The following PCDHB13 variants were observed in gnomAD, a reference collection of about 807,000 sequenced individuals.
The protein encoded by PCDHB13 is protocadherin beta-13.
For synonymous variants in PCDHB13, 515 were observed against 450.7 expected (o/e 1.14, Z -1.81); for missense variants, 1,065 against 1,016.7 (o/e 1.05, Z -0.65).
In PCDHB13 at chr5:141,215,442, T is replaced by G; in HGVS notation, c.1319T>G (p.Leu440Arg). 1.2e-6 allele frequency: 2 copies of G among 1,614,192 alleles called. No individual in the cohort carries two copies. The highest frequency in any genetic ancestry group is 1.7e-6 in the Non-Finnish European group (2 of 1,180,042). ...ATAACACAGCTCAATATGACCGTGC[T>G]GATCGCCGATGTCAATGACAACGCT... ...MLITQLNMTVLIADVNDNAPA... is the reference protein window; with the variant it reads ...MLITQLNMTVRIADVNDNAPA... The change falls in exon 1 of 1, where the codon CTG becomes CGG. Residue 440 changes from leucine (L) to arginine (R), a missense_variant. Physicochemically the swap from Leu to Arg is moderately radical, Grantham distance 102 (BLOSUM62 -2). Coordinates refer to ENST00000341948, the MANE Select transcript of PCDHB13 (RefSeq NM_018933.4).
rs782108645 is a variant in PCDHB13, at chr5:141,215,584, C to T, written c.1461C>T (p.Thr487=). 2.5e-6 allele frequency: 4 copies of T among 1,613,352 alleles called. No individual in the cohort carries two copies. The highest frequency in any genetic ancestry group is 2.5e-6 in the Non-Finnish European group (3 of 1,180,006). ...DRDSGTNAQV[T]YSLLPPQDPH... The stretch of plus-strand genomic sequence containing the variant: ...ACTCAGGCACCAACGCCCAGGTCAC[C>T]TACTCGCTGCTGCCGCCCCAGGACC... The change falls in exon 1 of 1, where the codon ACC becomes ACT. Residue 487 remains threonine (T), a synonymous_variant. Coordinates refer to ENST00000341948, the MANE Select transcript of PCDHB13 (RefSeq NM_018933.4).
Position 141,213,938 on chromosome 5 carries a change from A to G in PCDHB13, c.-186A>G, listed in dbSNP as rs1200339985. 8.3e-6 allele frequency: 5 copies of G among 604,074 alleles called. No homozygotes were observed. Among genetic ancestry groups the G allele is most frequent in the African/African-American group, 7.5e-5 (4 of 53,638 alleles). The allele number at this position is 604,074 out of a possible 1,614,324, so 37.4% of individuals were successfully genotyped here. A position where few individuals can be genotyped will look rare whatever the true frequency, so the allele number is the denominator to read the frequency against. ...GCAGCTGCAGCTCCATTAACCGGCA[A>G]AAAGCAGCAGAACCTGGAAGTCCAC... On this transcript the variant is annotated 5_prime_UTR_variant, in exon 1 of 1. Transcript: ENST00000341948.
chr5:141,216,340 G>A lies in PCDHB13; in HGVS notation c.2217G>A (p.Met739Ile), dbSNP rs1262658789. 6.2e-7 allele frequency: 1 copy of A among 1,614,202 alleles called. No homozygotes were observed. The highest frequency in any genetic ancestry group is 1.7e-5 in the Admixed American group (1 of 60,016). Reference protein sequence around the residue: ...EGPLPGHLVDMSGTRTLSQSY... With the variant: ...EGPLPGHLVDISGTRTLSQSY... ...CCCTTCCAGGGCATCTTGTGGACAT[G>A]AGCGGCACCAGGACCCTATCCCAGA... Residue 739 changes from methionine (M) to isoleucine (I), a missense_variant, in exon 1 of 1, where the codon ATG becomes ATA. Transcript: ENST00000341948.
chr5:141,216,788 C>G lies in PCDHB13; in HGVS notation c.*268C>G, dbSNP rs1754626954. 4 of 499,090 alleles carry G rather than the reference C, an allele frequency of 8.0e-6. No individual in the cohort carries two copies. The South Asian group carries it at 8.3e-5, about 10-fold the overall frequency. 30.9% of individuals were successfully genotyped at this position (499,090 alleles called of 1,614,324 possible). A position where few individuals can be genotyped will look rare whatever the true frequency, so the allele number is the denominator to read the frequency against. ...ACCAAATCACATTTTTTTCATGCCCCTATCTTTAGCTGAACTTCACCCACT... is the reference window on the plus strand; with the variant it reads ...ACCAAATCACATTTTTTTCATGCCCGTATCTTTAGCTGAACTTCACCCACT... On this transcript the variant is annotated 3_prime_UTR_variant, in exon 1 of 1. Transcript: ENST00000341948.
Position 141,214,930 on chromosome 5 carries a change from T to G in PCDHB13, c.807T>G (p.Asp269Glu), listed in dbSNP as rs782392819. Reference sequence around the variant, plus strand: ...TGGTTGTGAAGGTCTCTGCCACGGATGTAGACACAGGAGTCAACGGAGAGA... The same window carrying G: ...TGGTTGTGAAGGTCTCTGCCACGGAGGTAGACACAGGAGTCAACGGAGAGA... Reference protein sequence around the residue: ...GFLVVKVSATDVDTGVNGEIS... With the variant: ...GFLVVKVSATEVDTGVNGEIS... Residue 269 changes from aspartate to glutamate, a missense_variant, in exon 1 of 1, where the codon GAT becomes GAG. Coordinates refer to ENST00000341948, the MANE Select transcript of PCDHB13 (RefSeq NM_018933.4). 25 of 1,614,098 alleles carry G rather than the reference T, an allele frequency of 1.5e-5. No homozygotes were observed. Among genetic ancestry groups the G allele is most frequent in the African/African-American group, 2.7e-5 (2 of 74,934 alleles).
rs1554288210 is a variant in PCDHB13 at position 141,216,451 on chromosome 5, C to G, written c.2328C>G (p.Pro776=). 1 of 1,614,166 alleles carries G rather than the reference C, an allele frequency of 6.2e-7. No individual in the cohort carries two copies. The highest frequency in any genetic ancestry group is 2.2e-5 in the East Asian group (1 of 44,864). The change falls in exon 1 of 1, where the codon CCC becomes CCG. Residue 776 remains proline, a synonymous_variant. Coordinates refer to ENST00000341948, the MANE Select transcript of PCDHB13 (RefSeq NM_018933.4). ...FLKPIIPNFP[P]QCPGKEIQGN... ...AGCCGATTATCCCCAACTTCCCTCC[C>G]CAGTGCCCTGGGAAAGAAATACAAG... is the stretch of plus-strand genomic sequence containing the variant.
At position 141,215,871 on chromosome 5, in the gene PCDHB13, G is replaced by C. The variant is rs782340407; in HGVS notation, c.1748G>C (p.Gly583Ala). 17 of 1,607,220 alleles carry C rather than the reference G, an allele frequency of 1.1e-5. 1 individual carries two copies. In the South Asian group the frequency reaches 1.8e-4, roughly 17 times the overall value. Residue 583 changes from glycine (G) to alanine (A), a missense_variant, in exon 1 of 1, where the codon GGC (glycine) becomes GCC (alanine). By Grantham distance (60) the Gly-to-Ala change is moderately conservative. Coordinates refer to ENST00000341948, the MANE Select transcript of PCDHB13 (RefSeq NM_018933.4). ...CTGGTGCCCCGGGCGGCCGAGCCGG[G>C]CTACCTGGTGACCAAGGTGGTGGCG... ...TELVPRAAEP[G>A]YLVTKVVAVD... is the part of the protein sequence containing the mutation.
Position 141,215,644 on chromosome 5 carries a change from C to T in PCDHB13, c.1521C>T (p.Asn507=). The T allele has an allele frequency of 1.2e-6, 2 of 1,613,464 alleles. No individual in the cohort carries two copies. The highest frequency in any genetic ancestry group is 1.7e-6 in the Non-Finnish European group (2 of 1,180,014). The change falls in exon 1 of 1, where the codon AAC becomes AAT. Residue 507 remains asparagine, a synonymous_variant. Coordinates refer to ENST00000341948, the MANE Select transcript of PCDHB13 (RefSeq NM_018933.4). ...CCCTCACATCCCTGGTCTCCATCAA[C>T]GCGGACAACGGCCACCTGTTCGCCC... ...HLPLTSLVSI[N]ADNGHLFALR...
In PCDHB13 at chr5:141,215,627, T is replaced by A. The variant is rs782413221; in HGVS notation, c.1504T>A (p.Ser502Thr). The A allele has an allele frequency of 2.0e-5, 33 of 1,613,298 alleles. No individual in the cohort carries two copies. Among genetic ancestry groups the A allele is most frequent in the Non-Finnish European group, 2.5e-5 (29 of 1,180,020 alleles). ...PPQDPHLPLT[S>T]LVSINADNGH... ...CCAGGACCCGCACCTGCCCCTCACATCCCTGGTCTCCATCAACGCGGACAA... is the reference window on the plus strand; with the variant it reads ...CCAGGACCCGCACCTGCCCCTCACAACCCTGGTCTCCATCAACGCGGACAA... The change falls in exon 1 of 1, where the codon TCC (serine) becomes ACC (threonine). Residue 502 changes from serine (S) to threonine (T), a missense_variant. Ser to Thr is a moderately conservative substitution (Grantham distance 58, BLOSUM62 1). Coordinates refer to ENST00000341948, the MANE Select transcript of PCDHB13 (RefSeq NM_018933.4).
At position 141,216,163 on chromosome 5, in the gene PCDHB13, G is replaced by A; in HGVS notation, c.2040G>A (p.Gln680=). 6.2e-7 allele frequency: 1 copy of A among 1,612,122 alleles called. No homozygotes were observed. ...CTCTCCCGGAGGCGGCCCCGACCCAGGCCCAGGCCGACTTGCTCACCGTCT... is the reference window on the plus strand; with the variant it reads ...CTCTCCCGGAGGCGGCCCCGACCCAAGCCCAGGCCGACTTGCTCACCGTCT... The part of the protein sequence containing the change: ...YLPLPEAAPT[Q]AQADLLTVYL... The change falls in exon 1 of 1, where the codon CAG becomes CAA. Residue 680 remains glutamine, a synonymous_variant. Coordinates refer to ENST00000341948, the MANE Select transcript of PCDHB13 (RefSeq NM_018933.4).
In PCDHB13 at chr5:141,216,825, G is replaced by C. The variant is rs931344855; in HGVS notation, c.*305G>C. 8.5e-5 allele frequency: 33 copies of C among 390,482 alleles called. No individual in the cohort carries two copies. The highest frequency in any genetic ancestry group is 8.3e-4 in the Middle Eastern group (1 of 1,206). 24.2% of individuals were successfully genotyped at this position (390,482 alleles called of 1,614,324 possible). On this transcript the variant is annotated 3_prime_UTR_variant, in exon 1 of 1. Transcript: ENST00000341948. The stretch of plus-strand genomic sequence containing the variant: ...GAACTTCACCCACTATTATGCTTAT[G>C]GTAAAATTAAATAGAGCAATTTGGA...
Position 141,215,668 on chromosome 5 carries a change from C to G in PCDHB13, c.1545C>G (p.Ala515=). 1.2e-6 allele frequency: 2 copies of G among 1,613,336 alleles called. No homozygotes were observed. Among genetic ancestry groups the G allele is most frequent in the Non-Finnish European group, 1.7e-6 (2 of 1,180,010 alleles). ...SINADNGHLF[A]LRSLDYEALQ... ...ACGCGGACAACGGCCACCTGTTCGC[C>G]CTCAGGTCTCTGGACTACGAGGCCC... is the stretch of plus-strand genomic sequence containing the variant. The change falls in exon 1 of 1, where the codon GCC becomes GCG. Residue 515 remains alanine, a synonymous_variant. Transcript: ENST00000341948.
chr5:141,218,966 C>T lies in PCDHB13; in HGVS notation c.*2446C>T, dbSNP rs1222221908. On this transcript the variant is annotated 3_prime_UTR_variant, in exon 1 of 1. Coordinates refer to ENST00000341948, the MANE Select transcript of PCDHB13 (RefSeq NM_018933.4). ...CAACAGTGGAGAGAAGGGCCAAGTA[C>T]TTGTCCTGTTACTTCCAGTTTTTCT... 6.0e-6 allele frequency: 1 copy of T among 166,796 alleles called. No homozygotes were observed. The highest frequency in any genetic ancestry group is 1.5e-5 in the Non-Finnish European group (1 of 68,114). 10.3% of individuals were successfully genotyped at this position (166,796 alleles called of 1,614,324 possible).
chr5:141,217,180 T>C lies in PCDHB13; in HGVS notation c.*660T>C, dbSNP rs1364033347. The C allele has an allele frequency of 2.4e-5, 4 of 166,856 alleles. No homozygotes were observed. Among genetic ancestry groups the C allele is most frequent in the Admixed American group, 2.0e-4 (3 of 15,264 alleles). 10.3% of individuals were successfully genotyped at this position (166,856 alleles called of 1,614,324 possible). ...TGAAGCTATAATTTTTTAATTAATGTCACAAAGCTCTAGTGCAATCTAGTT... is the reference window on the plus strand; with the variant it reads ...TGAAGCTATAATTTTTTAATTAATGCCACAAAGCTCTAGTGCAATCTAGTT... On this transcript the variant is annotated 3_prime_UTR_variant, in exon 1 of 1. Coordinates refer to ENST00000341948, the MANE Select transcript of PCDHB13 (RefSeq NM_018933.4).
In PCDHB13 at chr5:141,216,820, C is replaced by T; in HGVS notation, c.*300C>T. The T allele has an allele frequency of 2.4e-6, 1 of 412,812 alleles. No individual in the cohort carries two copies. The highest frequency in any genetic ancestry group is 4.6e-6 in the Non-Finnish European group (1 of 217,016). The allele number at this position is 412,812 out of a possible 1,614,324, so 25.6% of individuals were successfully genotyped here. Reference sequence around the variant, plus strand: ...TAGCTGAACTTCACCCACTATTATGCTTATGGTAAAATTAAATAGAGCAAT... The same window carrying T: ...TAGCTGAACTTCACCCACTATTATGTTTATGGTAAAATTAAATAGAGCAAT... On this transcript the variant is annotated 3_prime_UTR_variant, in exon 1 of 1. Transcript: ENST00000341948.
rs1323212585 is a variant in PCDHB13, at chr5:141,215,215, T to C, written c.1092T>C (p.Thr364=). The C allele has an allele frequency of 1.2e-6, 2 of 1,614,190 alleles. No individual in the cohort carries two copies. Among genetic ancestry groups the C allele is most frequent in the South Asian group, 2.2e-5 (2 of 91,084 alleles). The change falls in exon 1 of 1, where the codon ACT becomes ACC. Residue 364 remains threonine, a synonymous_variant. Coordinates refer to ENST00000341948, the MANE Select transcript of PCDHB13 (RefSeq NM_018933.4). ...TSPIPENAPE[T]VVALFSVSDL... The stretch of plus-strand genomic sequence containing the variant: ...CAATACCTGAGAACGCGCCTGAAAC[T>C]GTGGTTGCACTTTTCAGTGTTTCAG...
rs150055144 is a variant in PCDHB13 at position 141,216,197 on chromosome 5, G to A, written c.2074G>A (p.Val692Met). The A allele has an allele frequency of 1.1e-5, 18 of 1,612,454 alleles. No homozygotes were observed. The African/African-American group carries it at 1.6e-4, about 14-fold the overall frequency. The change falls in exon 1 of 1, where the codon GTG (valine) becomes ATG (methionine). Residue 692 changes from valine (V) to methionine (M), a missense_variant. Transcript: ENST00000341948. ...CGACTTGCTCACCGTCTACCTGGTG[G>A]TGGCGTTGGCCTCGGTGTCTTCGCT... ...QADLLTVYLV[V>M]ALASVSSLFL...
Position 141,216,602 on chromosome 5 carries a change from A to ATGTAATAT in PCDHB13, c.*87_*94dup. 1 of 1,159,724 alleles carries ATGTAATAT rather than the reference A, an allele frequency of 8.6e-7. No individual in the cohort carries two copies. The highest frequency in any genetic ancestry group is 1.3e-6 in the Non-Finnish European group (1 of 765,062). 71.8% of individuals were successfully genotyped at this position (1,159,724 alleles called of 1,614,324 possible). On this transcript the variant is annotated 3_prime_UTR_variant, in exon 1 of 1. Transcript: ENST00000341948. ...TGTTTATTTCCCCCAATTTGTGTGT[A>ATGTAATAT]TGTAATATTGTACGGATTTACTCTT... is the stretch of plus-strand genomic sequence containing the variant.
In PCDHB13 at chr5:141,214,069, G is replaced by A; in HGVS notation, c.-55G>A. 1 of 1,612,316 alleles carries A rather than the reference G, an allele frequency of 6.2e-7. No homozygotes were observed. Among genetic ancestry groups the A allele is most frequent in the Non-Finnish European group, 8.5e-7 (1 of 1,178,906 alleles). On this transcript the variant is annotated 5_prime_UTR_variant, in exon 1 of 1. Transcript: ENST00000341948. ...GAATAACCACAGCCTCAGATACTGG[G>A]GACTTTACAGTCCCACAGAACCGTC...
Sources: gnomAD v4.1 joint callset for allele counts on GRCh38, gnomAD v4.1.1 for gene constraint, MANE v1.5 for transcripts, NCBI Gene and HGNC (gene_info 2026-07-23, HGNC 2026-07-21) for gene names.